The following MEF2A variants were observed in gnomAD, a reference collection of about 807,000 sequenced individuals.
MEF2A encodes the protein myocyte-specific enhancer factor 2A.
Under a neutral mutation model 55.8 loss-of-function variants are expected in MEF2A, and 28 were observed. That is an observed-to-expected ratio of 0.50 (90% confidence interval 0.37 to 0.69). MEF2A has a LOEUF of 0.69. Among genes scored for constraint, MEF2A ranks in the 30% least tolerant of loss-of-function variants. The probability of loss-of-function intolerance (pLI) is 0.00; values close to 1 mark genes in which losing one functional copy is unlikely to be tolerated. For missense variants in MEF2A, 528 were observed against 626.2 expected (o/e 0.84, Z 1.67); for synonymous variants, 239 against 227.1 (o/e 1.05, Z -0.47).
chr15:99,595,652 G>A lies in MEF2A; in HGVS notation c.-224-2778G>A, dbSNP rs150108744. Reference sequence around the variant, plus strand: ...AGTTCCTTCTTTTAAAAAAGCATATGGTATAATAGAGGAGACTCATACTTG... The same window carrying A: ...AGTTCCTTCTTTTAAAAAAGCATATAGTATAATAGAGGAGACTCATACTTG... On this transcript the variant is annotated intron_variant, in intron 1 of 11. Coordinates refer to ENST00000557942, the MANE Select transcript of MEF2A (RefSeq NM_001319206.4). 2.1e-3 allele frequency among the ~76,000 whole-genome samples: 319 copies of A among 152,256 alleles called. 1 individual carries two copies. Among genetic ancestry groups the A allele is most frequent in the African/African-American group, 7.4e-3 (306 of 41,534 alleles).
At chr15:99,582,327 T>A (rs942317030) in intron 1 of MEF2A, among the ~76,000 whole-genome samples, 3 of 152,050 alleles carry the variant, frequency 2.0e-5, no homozygotes, top group Non-Finnish European at 4.4e-5. Flanking sequence ...AAGATGGGGG[T>A]AAAGATTGTC....
chr15:99,567,599 C>T (rs1960222958), intron 1 of MEF2A, among the ~76,000 whole-genome samples: 1 of 148,778 alleles, frequency 6.7e-6, no homozygotes. Flanking sequence ...AAAATGACTG[C>T]ATTGTGCCTT....
chr15:99,609,689 CTTAGT>C (rs1244487673), intron 2 of MEF2A, among the ~76,000 whole-genome samples: 2 of 149,106 alleles, frequency 1.3e-5, no homozygotes, highest in East Asian at 3.8e-4. Flanking sequence ...ATTAAAACAT[CTTAGT>C]TTAGTGGGAA....
chr15:99,705,947 GCTT>G (rs1270637131), intron 9 of MEF2A, among the ~76,000 whole-genome samples: 1 of 152,224 alleles, frequency 6.6e-6, no homozygotes, highest in Non-Finnish European at 1.5e-5. Context: ...GCGAGAAACT[GCTT>G]CTGTCGTACT....
At chr15:99,665,271 CAA>C (rs917066334) in intron 4 of MEF2A, among the ~76,000 whole-genome samples, 4 of 152,092 alleles carry the variant, frequency 2.6e-5, no homozygotes, top group Non-Finnish European at 4.4e-5. Context: ...ATTTTAAACT[CAA>C]GAGCCTTCCT....
intron 4 of MEF2A, among the ~76,000 whole-genome samples, chr15:99,647,462 C>T (rs935613167): frequency 6.6e-6 from 1 of 152,146 alleles, no homozygotes; most frequent in Non-Finnish European, 1.5e-5. Flanking sequence ...TTCATTGCAG[C>T]AGTTGTTATT....
At chr15:99,645,847 A>T (rs2045876119) in intron 4 of MEF2A, 83 bp downstream of exon 4, 2 of 958,216 alleles carry the variant, frequency 2.1e-6, no homozygotes, top group East Asian at 5.3e-5. Context: ...AATGACTTGT[A>T]CATCTAAAAC....
intron 2 of MEF2A, among the ~76,000 whole-genome samples, chr15:99,624,780 T>C (rs1361501105): frequency 6.6e-6 from 1 of 152,240 alleles, no homozygotes; most frequent in Non-Finnish European, 1.5e-5. Flanking sequence ...CTTAATAACA[T>C]GATCTTGAAT....
In MEF2A at chr15:99,587,995, T is replaced by G. The variant is rs185382023; in HGVS notation, c.-224-10435T>G. ...AATGGTGAGAGTGGACATTCTTGTT[T>G]TGTTCCAGTCTTAGAGGGGGCAATT... On this transcript the variant is annotated intron_variant, in intron 1 of 11. Transcript: ENST00000557942. 3.2e-3 allele frequency among the ~76,000 whole-genome samples: 493 copies of G among 152,350 alleles called. 4 individuals carry two copies. Among genetic ancestry groups the G allele is most frequent in the African/African-American group, 0.011 (471 of 41,580 alleles).
At chr15:99,695,308 G>A (rs977546519) in intron 8 of MEF2A, among the ~76,000 whole-genome samples, 5 of 152,052 alleles carry the variant, frequency 3.3e-5, no homozygotes, top group Admixed American at 6.5e-5. Context: ...ATGAACTCAA[G>A]GTAACTAAAG....
intron 8 of MEF2A, among the ~76,000 whole-genome samples, chr15:99,700,437 A>G (rs1567485090): frequency 6.6e-6 from 1 of 151,932 alleles, no homozygotes; most frequent in African/African-American, 2.4e-5. Flanking sequence ...GCTTGAGCCC[A>G]GGAAGTCGAG....
intron 2 of MEF2A, chr15:99,620,790 A>G (rs957146942): frequency 2.0e-5 from 3 of 151,566 alleles, no homozygotes; most frequent in African/African-American, 4.9e-5. Context: ...ACTAATTTAC[A>G]TTCTCAGCAA....
At chr15:99,581,369 C>A (rs1256722543) in intron 1 of MEF2A, among the ~76,000 whole-genome samples, 2 of 151,644 alleles carry the variant, frequency 1.3e-5, no homozygotes, top group Non-Finnish European at 2.9e-5. Flanking sequence ...GGCAGTCGGT[C>A]TCTATGCCCA....
intron 7 of MEF2A, among the ~76,000 whole-genome samples, chr15:99,679,739 G>C (rs1278598778): frequency 1.3e-5 from 2 of 151,926 alleles, no homozygotes; most frequent in Non-Finnish European, 2.9e-5. Flanking sequence ...TTTTTGTTTT[G>C]TACATTTTCT....
At chr15:99,671,725 T>C in intron 5 of MEF2A, 1 of 1,402,696 alleles carries the variant, frequency 7.1e-7, no homozygotes, top group Non-Finnish European at 9.3e-7. Context: ...ATCTTGTTGC[T>C]TATTTTTATA....
intron 4 of MEF2A, among the ~76,000 whole-genome samples, chr15:99,655,411 G>A (rs1318415745): frequency 1.3e-5 from 2 of 152,116 alleles, no homozygotes; most frequent in Non-Finnish European, 2.9e-5. Context: ...AGGTAAGGAA[G>A]AGACAAATTG....
chr15:99,597,522 T>C (rs199743786), intron 1 of MEF2A, among the ~76,000 whole-genome samples: 2 of 148,834 alleles, frequency 1.3e-5, no homozygotes, highest in Non-Finnish European at 3.0e-5. Flanking sequence ...CCTGTGGTCC[T>C]GTGATCTCGT....
intron 1 of MEF2A, among the ~76,000 whole-genome samples, chr15:99,589,362 T>C (rs139601755): frequency 6.6e-6 from 1 of 152,230 alleles, no homozygotes; most frequent in Non-Finnish European, 1.5e-5. Flanking sequence ...TTTTAATGTT[T>C]GCAGCATTTG....
chr15:99,649,334 T>G (rs573318921), intron 4 of MEF2A, among the ~76,000 whole-genome samples: 6 of 152,300 alleles, frequency 3.9e-5, no homozygotes, highest in African/African-American at 1.4e-4. Flanking sequence ...ATAACTCAAT[T>G]TCTCTGAAAT....
Sources: allele counts gnomAD v4.1 joint callset (sites outside exome capture counted in the v4.1 genomes callset), GRCh38; gene constraint gnomAD v4.1.1; transcripts MANE v1.5; gene names NCBI Gene and HGNC (gene_info 2026-07-23, HGNC 2026-07-21).